Variants in LTBP3 observed in about 807,000 individuals in gnomAD.
LTBP3 encodes latent transforming growth factor beta binding protein 3.
LTBP3 carries 97 observed loss-of-function variants against 159.7 expected under a neutral mutation model. The observed-to-expected ratio is 0.61, with a 90% CI of 0.52 to 0.72. LTBP3 has a LOEUF of 0.72. LTBP3 is among the 30% of genes least tolerant of loss of function. The pLI is 0.00. For synonymous variants in LTBP3, 824 were observed against 777.1 expected, an observed-to-expected ratio of 1.06 and a Z score of -1.00; for missense variants, 1,584 against 1,864.3, an observed-to-expected ratio of 0.85 and a Z score of 2.77.
chr11:65,548,261 C>G, intron 11 of LTBP3: 1 of 676,172 alleles, frequency 1.5e-6, no homozygotes, highest in South Asian at 1.8e-5. Context: ...ACAGCCGTAT[C>G]ACCCCACACC....
chr11:65,548,115 C>T (rs1286076925), intron 11 of LTBP3, 70 bp from the exon 12 acceptor site: 3 of 1,605,532 alleles, frequency 1.9e-6, no homozygotes, highest in Non-Finnish European at 2.6e-6. Context: ...CAGGGCAGAC[C>T]TCAACACCCC....
rs1590791852 is a variant in LTBP3, at chr11:65,557,743, G to T, written c.217C>A (p.Arg73=). 6.2e-7 allele frequency: 1 copy of T among 1,606,244 alleles called. No individual in the cohort carries two copies. Residue 73 remains arginine (R), a synonymous_variant, in exon 1 of 28, where the codon CGG becomes AGG. Coordinates refer to ENST00000301873, the MANE Select transcript of LTBP3 (RefSeq NM_001130144.3). ...CGACACTGGCCCTTGAGACAGGTCC[G>T]CTTGCAGATCACCGGCGCAAAGACC... ...KVVFAPVICK[R]TCLKGQCRDS... is the part of the protein sequence containing the mutation.
chr11:65,541,396 C>T, intron 19 of LTBP3, 103 bp from the exon 20 acceptor site: 1 of 1,484,440 alleles, frequency 6.7e-7, no homozygotes, highest in Non-Finnish European at 9.3e-7. Context: ...CCTGGCTCCC[C>T]TTAGCCTCCT....
Position 65,538,975 on chromosome 11 carries a change from G to T in LTBP3, c.*105C>A. ...GGCGCCGGGAGGGTCTGCGGGCCCT[G>T]AAGGTCCCTGGGTCCGAGCCACAAG... On this transcript the variant is annotated 3_prime_UTR_variant, in exon 28 of 28. Coordinates refer to ENST00000301873, the MANE Select transcript of LTBP3 (RefSeq NM_001130144.3). The T allele has an allele frequency of 1.5e-6, 2 of 1,316,290 alleles. No homozygotes were observed. The highest frequency in any genetic ancestry group is 9.7e-7 in the Non-Finnish European group (1 of 1,034,042). The allele number at this position is 1,316,290 out of a possible 1,614,324, so 81.5% of individuals were successfully genotyped here.
At position 65,543,088 on chromosome 11, in the gene LTBP3, C is replaced by CA; in HGVS notation, c.2596+16dup. On this transcript the variant is annotated intron_variant, in intron 18 of 27. Transcript: ENST00000301873. ...CCCTGCCACATCCCTCAGGAACCCT[C>CA]AGCCAGTCCCCCATACCTTGGCATT... 2 of 1,613,678 alleles carry CA rather than the reference C, an allele frequency of 1.2e-6. No individual in the cohort carries two copies. The highest frequency in any genetic ancestry group is 1.7e-6 in the Non-Finnish European group (2 of 1,179,932).
In LTBP3 at chr11:65,553,007, C is replaced by T; in HGVS notation, c.1064-25G>A. 6.2e-7 allele frequency: 1 copy of T among 1,614,134 alleles called. No homozygotes were observed. The highest frequency in any genetic ancestry group is 8.5e-7 in the Non-Finnish European group (1 of 1,180,008). ...TCTGTGGTAAGTGGAAGTTTGGCCC[C>T]TCTGGTCTGGGGCCATGGGGTGACA... On this transcript the variant is annotated intron_variant, in intron 5 of 27. Transcript: ENST00000301873. This position sits in a 1 kb window ranked among gnomAD's most constrained non-coding sequence, Gnocchi z 6.5.
intron 8 of LTBP3, 102 bp from the exon 9 acceptor site, chr11:65,551,666 C>G (rs1856618952): frequency 6.9e-7 from 1 of 1,440,410 alleles, no homozygotes; most frequent in Non-Finnish European, 9.7e-7. Flanking sequence ...TCTGGGAGTT[C>G]AACAATCATG....
intron 1 of LTBP3, among the ~76,000 whole-genome samples, chr11:65,555,619 C>A (rs1053038180): frequency 6.6e-6 from 1 of 152,186 alleles, no homozygotes; most frequent in Non-Finnish European, 1.5e-5. Flanking sequence ...CCAGGCTGGC[C>A]TCAGCTCTGG....
At position 65,538,758 on chromosome 11, in the gene LTBP3, G is replaced by T. The variant is rs1330815901; in HGVS notation, c.*322C>A. 2.3e-6 allele frequency: 2 copies of T among 888,206 alleles called. No individual in the cohort carries two copies. The highest frequency in any genetic ancestry group is 3.4e-5 in the African/African-American group (2 of 59,120). 55.0% of individuals were successfully genotyped at this position (888,206 alleles called of 1,614,324 possible). On this transcript the variant is annotated 3_prime_UTR_variant, in exon 28 of 28. Coordinates refer to ENST00000301873, the MANE Select transcript of LTBP3 (RefSeq NM_001130144.3). ...TGGGAGGCGGCTGGGGTCTGGCGCC[G>T]CCCTGCGCAGCCCGCGCCCACGTCA...
chr11:65,551,256 G>T, intron 10 of LTBP3, 32 bp from the exon 11 acceptor site: 1 of 1,531,218 alleles, frequency 6.5e-7, no homozygotes. Context: ...GGTCAGAGAC[G>T]ATATTGACTG....
chr11:65,543,152 C>T lies in LTBP3; in HGVS notation c.2549G>A (p.Cys850Tyr). ...CAGCCGATGCCCCTGGGGGCAAAGA[C>T]ATCTGTAGGAGCCATTGGTATTGAT... Reference protein sequence around the residue: ...DCINTNGSYRCLCPQGHRLVG... With the variant: ...DCINTNGSYRYLCPQGHRLVG... The change falls in exon 18 of 28, where the codon TGT becomes TAT. Residue 850 changes from cysteine to tyrosine, a missense_variant. Around this residue, in one of 6 missense-constraint regions of LTBP3, gnomAD observed 565 missense variants for 677.7 expected, o/e 0.83. Transcript: ENST00000301873. 6.2e-7 allele frequency: 1 copy of T among 1,614,174 alleles called. No homozygotes were observed. Among genetic ancestry groups the T allele is most frequent in the Non-Finnish European group, 8.5e-7 (1 of 1,180,014 alleles).
chr11:65,546,539 G>T lies in LTBP3; in HGVS notation c.2256C>A (p.Ser752Arg), dbSNP rs761473722. Residue 752 changes from serine to arginine, a missense_variant, in exon 16 of 28, where the codon AGC (serine) becomes AGA (arginine). Coordinates refer to ENST00000301873, the MANE Select transcript of LTBP3 (RefSeq NM_001130144.3). This position sits in a 1 kb window ranked among gnomAD's most constrained non-coding sequence, Gnocchi z 4.0. ...TCTCGCACCAGCCAGGCGAGCAGGG[G>T]CTGCCCTCGGCGCACTCGTTCACGT... ...CRDVNECAEG[S>R]PCSPGWCENL... is the part of the protein sequence containing the mutation. 5.0e-6 allele frequency: 8 copies of T among 1,602,026 alleles called. No individual in the cohort carries two copies. In the Admixed American group the frequency reaches 6.7e-5, roughly 13 times the overall value.
Position 65,538,613 on chromosome 11 carries a change from T to C in LTBP3, c.*467A>G, listed in dbSNP as rs753889115. 13 of 1,584,828 alleles carry C rather than the reference T, an allele frequency of 8.2e-6. No homozygotes were observed. The highest frequency in any genetic ancestry group is 1.0e-5 in the Non-Finnish European group (12 of 1,166,134). On this transcript the variant is annotated 3_prime_UTR_variant, in exon 28 of 28. Transcript: ENST00000301873. ...GGCTGCGGAGAGCCCGCCCCACAGATGTATTTATTGTACAAACCATGTGAG... is the reference window on the plus strand; with the variant it reads ...GGCTGCGGAGAGCCCGCCCCACAGACGTATTTATTGTACAAACCATGTGAG...
In LTBP3 at chr11:65,557,814, CG is replaced by C; in HGVS notation, c.145del (p.Arg49GlyfsTer21). ...CAGCGCCCCGCCCCCGCCTGCGCCC[CG>C]CTCGCCGGCCGGCCCCCCCTCGACC... Reference protein sequence around the residue: ...GRVEGGPAGERGAGGGGALAR... With the variant: ...GRVEGGPAGEXGAGGGGALAR... On this transcript the variant is annotated frameshift_variant, in exon 1 of 28. Coordinates refer to ENST00000301873, the MANE Select transcript of LTBP3 (RefSeq NM_001130144.3). LOFTEE classifies it high-confidence loss of function. 6.7e-7 allele frequency: 1 copy of C among 1,492,712 alleles called. No individual in the cohort carries two copies. Among genetic ancestry groups the C allele is most frequent in the South Asian group, 1.3e-5 (1 of 79,682 alleles). 92.5% of individuals were successfully genotyped at this position (1,492,712 alleles called of 1,614,324 possible).
chr11:65,539,484 C>T (rs562293632), intron 26 of LTBP3, 25 bp from the exon 27 acceptor site: 9 of 1,585,842 alleles, frequency 5.7e-6, no homozygotes, highest in African/African-American at 5.4e-5. Context: ...ACAATATGGA[C>T]TTCAACACTG....
In LTBP3 at chr11:65,552,960, C is replaced by G; in HGVS notation, c.1086G>C (p.Pro362=). The G allele has an allele frequency of 6.2e-7, 1 of 1,614,178 alleles. No individual in the cohort carries two copies. The highest frequency in any genetic ancestry group is 8.5e-7 in the Non-Finnish European group (1 of 1,180,026). The change falls in exon 6 of 28, where the codon CCG becomes CCC. Residue 362 remains proline, a synonymous_variant. Coordinates refer to ENST00000301873, the MANE Select transcript of LTBP3 (RefSeq NM_001130144.3). The surrounding 1 kb of genome is among the most constrained non-coding windows in gnomAD (Gnocchi z 6.0). Reference sequence around the variant, plus strand: ...GGCAGTCACCATGGCGACACACGCCCGGCATTGCGCACTCGTTGATGTCTG... The same window carrying G: ...GGCAGTCACCATGGCGACACACGCCGGGCATTGCGCACTCGTTGATGTCTG... ...HCQDINECAM[P]GVCRHGDCLN...
chr11:65,541,954 G>C (rs1310618461), intron 18 of LTBP3: 2 of 528,836 alleles, frequency 3.8e-6, no homozygotes, highest in Non-Finnish European at 6.9e-6. Flanking sequence ...AAACCTAAAA[G>C]TATCAGAAGC....
At position 65,552,208 on chromosome 11, in the gene LTBP3, T is replaced by G. The variant is rs771221280; in HGVS notation, c.1345+40A>C. On this transcript the variant is annotated intron_variant, in intron 7 of 27. Transcript: ENST00000301873. This position sits in a 1 kb window ranked among gnomAD's most constrained non-coding sequence, Gnocchi z 6.0. ...AGTGAGCATTTCCTGGACAGGTGCATGGACCTATGAACCCCTATCCCCGGG... is the reference window on the plus strand; with the variant it reads ...AGTGAGCATTTCCTGGACAGGTGCAGGGACCTATGAACCCCTATCCCCGGG... The G allele has an allele frequency of 6.2e-7, 1 of 1,614,142 alleles. No individual in the cohort carries two copies. The highest frequency in any genetic ancestry group is 8.5e-7 in the Non-Finnish European group (1 of 1,180,004).
chr11:65,541,249 C>G lies in LTBP3; in HGVS notation c.2770G>C (p.Asp924His), dbSNP rs747201597. 3.1e-6 allele frequency: 5 copies of G among 1,613,424 alleles called. No individual in the cohort carries two copies. Among genetic ancestry groups the G allele is most frequent in the Admixed American group, 1.7e-5 (1 of 60,000 alleles). The part of the protein sequence containing the change: ...HHKKECYLNF[D>H]DTVFCDSVLA... ...ACGCTGTCGCAGAACACTGTGTCAT[C>G]GAAGTTCAGGTAGCACTCCTTCTTG... Residue 924 changes from aspartate to histidine, a missense_variant, in exon 20 of 28, where the codon GAT becomes CAT. This residue lies in a region of LTBP3 where 565 missense variants were observed against 677.7 expected (regional missense o/e 0.83). Transcript: ENST00000301873.
Sources: allele counts gnomAD v4.1 joint callset (sites outside exome capture counted in the v4.1 genomes callset), GRCh38; gene constraint gnomAD v4.1.1; regional missense constraint gnomAD v4.1.1; non-coding constraint Gnocchi (gnomAD v3.1); transcripts MANE v1.5; gene names NCBI Gene and HGNC (gene_info 2026-07-23, HGNC 2026-07-21).